NRXN3: variants seen among roughly 807,000 people sequenced by gnomAD.
The protein encoded by NRXN3 is neurexin 3.
A neutral mutation model predicts 137.6 loss-of-function variants in NRXN3; 32 were observed. That is an observed-to-expected ratio of 0.23 (90% CI 0.18 to 0.31). The LOEUF (loss-of-function observed/expected upper bound fraction) is 0.31, where lower values mean the gene tolerates loss of function less well. Ranked by LOEUF, NRXN3 falls within the 10% of genes least tolerant of loss-of-function variation. The pLI, the probability that NRXN3 is intolerant of heterozygous loss-of-function variation, is 1.00. For missense variants in NRXN3, 1,574 were observed against 2,062.5 expected, an observed-to-expected ratio of 0.76 and a Z score of 4.59; for synonymous variants, 798 against 784.5, an observed-to-expected ratio of 1.02 and a Z score of -0.29.
intron 4 of NRXN3, among the ~76,000 whole-genome samples, chr14:78,556,577 T>C (rs563284914): frequency 2.8e-4 from 42 of 152,346 alleles, no homozygotes; most frequent in African/African-American, 9.6e-4. Flanking sequence ...AAATTTAAAT[T>C]AAGGCAGATC....
intron 16 of NRXN3, among the ~76,000 whole-genome samples, chr14:79,656,061 A>G (rs2098503984): frequency 6.6e-6 from 1 of 152,168 alleles, no homozygotes; most frequent in African/African-American, 2.4e-5. Context: ...TAAGCACATA[A>G]GTAAGGTGTA....
chr14:79,457,789 A>G (rs2096276375), intron 15 of NRXN3, among the ~76,000 whole-genome samples: 1 of 152,144 alleles, frequency 6.6e-6, no homozygotes, highest in South Asian at 2.1e-4. Flanking sequence ...GAGAATATTC[A>G]ATACTTAGCT....
chr14:78,433,156 A>G (rs923841552), intron 4 of NRXN3, among the ~76,000 whole-genome samples: 47 of 152,168 alleles, frequency 3.1e-4, no homozygotes, highest in Admixed American at 1.3e-4. Context: ...GCCAAATTCT[A>G]TGCCTCACAG....
At chr14:78,235,879 G>T (rs1397328655) in intron 1 of NRXN3, among the ~76,000 whole-genome samples, 2 of 152,194 alleles carry the variant, frequency 1.3e-5, no homozygotes, top group Non-Finnish European at 2.9e-5. Context: ...TGGGAGAGAG[G>T]ACTAGGGTAT....
At chr14:79,133,648 C>T (rs2057854993) in intron 15 of NRXN3, among the ~76,000 whole-genome samples, 1 of 152,036 alleles carries the variant, frequency 6.6e-6, no homozygotes, top group Non-Finnish European at 1.5e-5. Flanking sequence ...AAATACAGCC[C>T]AGCACGGTGG....
At chr14:78,709,123 C>T in intron 6 of NRXN3, 94 bp from the exon 7 acceptor site, 1 of 1,215,872 alleles carries the variant, frequency 8.2e-7, no homozygotes, top group Non-Finnish European at 1.2e-6. Flanking sequence ...CCTGAAGCCT[C>T]TTTTTGGGTC....
chr14:78,552,811 A>G (rs59279948), intron 4 of NRXN3, among the ~76,000 whole-genome samples: 11,176 of 152,248 alleles, frequency 0.073, 616 homozygotes, highest in African/African-American at 0.15. Flanking sequence ...ACTATAGCCT[A>G]TAATAATCTA....
intron 15 of NRXN3, among the ~76,000 whole-genome samples, chr14:79,001,924 C>A (rs949568618): frequency 2.0e-5 from 3 of 152,016 alleles, no homozygotes; most frequent in Admixed American, 6.6e-5. Flanking sequence ...TCAGGTAGAA[C>A]CTTATGTTAG....
At chr14:79,773,972 T>A (rs1733315648) in intron 19 of NRXN3, among the ~76,000 whole-genome samples, 1 of 152,022 alleles carries the variant, frequency 6.6e-6, no homozygotes, top group Non-Finnish European at 1.5e-5. Flanking sequence ...ATAAACTAAT[T>A]AATAAATACT....
At chr14:78,451,999 A>G (rs2094563399) in intron 4 of NRXN3, among the ~76,000 whole-genome samples, 1 of 152,256 alleles carries the variant, frequency 6.6e-6, no homozygotes, top group Non-Finnish European at 1.5e-5. Flanking sequence ...AGACTTCCAG[A>G]CAGTTCTGGA....
chr14:78,586,660 A>T (rs1482508120), intron 4 of NRXN3, among the ~76,000 whole-genome samples: 1 of 152,192 alleles, frequency 6.6e-6, no homozygotes, highest in African/African-American at 2.4e-5. Context: ...ATCTATGCTC[A>T]GGGACCTGAG....
At chr14:78,821,012 G>A (rs1364486956) in intron 10 of NRXN3, among the ~76,000 whole-genome samples, 4 of 152,012 alleles carry the variant, frequency 2.6e-5, no homozygotes, top group African/African-American at 9.7e-5. Context: ...ATGAATGGTA[G>A]GCATGAACCT....
intron 16 of NRXN3, among the ~76,000 whole-genome samples, chr14:79,470,919 T>TGTGAGA (rs1555467278): frequency 7.6e-5 from 10 of 131,408 alleles, no homozygotes; most frequent in African/African-American, 3.3e-4. Context: ...TGTGTGTGTG[T>TGTGAGA]GAGAGAGAGA....
intron 10 of NRXN3, among the ~76,000 whole-genome samples, chr14:78,825,162 A>C (rs1287572465): frequency 1.4e-5 from 2 of 140,810 alleles, no homozygotes; most frequent in African/African-American, 5.3e-5. Context: ...GCAACACTGC[A>C]CTCCAGCCTG....
At chr14:78,765,219 T>A (rs1345066555) in intron 8 of NRXN3, among the ~76,000 whole-genome samples, 3 of 152,160 alleles carry the variant, frequency 2.0e-5, no homozygotes, top group African/African-American at 7.2e-5. Context: ...AATGGCGCAA[T>A]CTTGGCTCAC....
At chr14:79,400,019 C>T (rs1296666224) in intron 15 of NRXN3, among the ~76,000 whole-genome samples, 2 of 152,194 alleles carry the variant, frequency 1.3e-5, no homozygotes, top group South Asian at 2.1e-4. Flanking sequence ...TGCATGTGCA[C>T]CTGTGTGTGC....
Position 78,810,338 on chromosome 14 carries a change from A to G in NRXN3, c.2269A>G (p.Asn757Asp). ...VNLDCIRINC[N>D]SSKGPETLYA... is the part of the protein sequence containing the mutation. ...TCTAGACTGTATCAGGATAAACTGT[A>G]ACTCCAGTAAGTTTTCCCTCAAGTT... Residue 757 changes from asparagine (N) to aspartate (D), a missense_variant, in exon 10 of 21, where the codon AAC (asparagine) becomes GAC (aspartate). This residue lies in a region of NRXN3 where 718 missense variants were observed against 887.6 expected (regional missense o/e 0.81). Coordinates refer to ENST00000335750, the MANE Select transcript of NRXN3 (RefSeq NM_001330195.2). The G allele has an allele frequency of 6.7e-7, 1 of 1,484,238 alleles. No individual in the cohort carries two copies. Among genetic ancestry groups the G allele is most frequent in the Non-Finnish European group, 9.0e-7 (1 of 1,109,272 alleles). The allele number at this position is 1,484,238 out of a possible 1,614,324, so 91.9% of individuals were successfully genotyped here.
intron 10 of NRXN3, among the ~76,000 whole-genome samples, chr14:78,903,144 C>CTTT (rs2099202686): frequency 9.8e-6 from 1 of 102,544 alleles, no homozygotes; most frequent in Non-Finnish European, 1.8e-5. Context: ...GAAGTTTCAT[C>CTTT]TTCTTTTTTT....
intron 19 of NRXN3, among the ~76,000 whole-genome samples, chr14:79,746,370 A>T (rs1204957266): frequency 2.0e-5 from 3 of 152,094 alleles, no homozygotes; most frequent in Non-Finnish European, 4.4e-5. Context: ...CTTTTTGAGC[A>T]TCTTTGAGCA....
Sources: allele counts gnomAD v4.1 joint callset (sites outside exome capture counted in the v4.1 genomes callset), GRCh38; gene constraint gnomAD v4.1.1; regional missense constraint gnomAD v4.1.1; transcripts MANE v1.5; gene names NCBI Gene and HGNC (gene_info 2026-07-23, HGNC 2026-07-21).